Variants in PRKN observed in about 807,000 individuals in gnomAD.
PRKN encodes E3 ubiquitin-protein ligase parkin.
Under a neutral mutation model 59.5 loss-of-function variants are expected in PRKN, and 56 were observed. That is an observed-to-expected ratio of 0.94 (90% CI 0.76 to 1.18). The LOEUF is 1.18. PRKN is among the 50% of genes most tolerant of loss of function. PRKN has a pLI of 0.00. For missense variants in PRKN, 657 were observed against 596.4 expected, an observed-to-expected ratio of 1.10 and a Z score of -1.06; for synonymous variants, 250 against 222.1, an observed-to-expected ratio of 1.13 and a Z score of -1.12.
chr6:161,716,054 G>A, intron 7 of PRKN: 2 of 1,277,860 alleles, frequency 1.6e-6, no homozygotes, highest in Non-Finnish European at 2.1e-6. Flanking sequence ...CAGCCACCAT[G>A]CTGTGCTGGG....
intron 6 of PRKN, among the ~76,000 whole-genome samples, chr6:161,899,613 TGCCTGGCTCTTCTCTTCA>T (rs1198732355): frequency 4.6e-5 from 7 of 152,330 alleles, no homozygotes; most frequent in Admixed American, 3.9e-4. Context: ...TATTTCCCAC[TGCCTGGCTCTTCTCTTCA>T]GCTTATCGAT....
At chr6:161,374,548 TGTGTG>T (rs1562403547) in intron 10 of PRKN, among the ~76,000 whole-genome samples, 8 of 129,056 alleles carry the variant, frequency 6.2e-5, no homozygotes, top group African/African-American at 9.0e-5. Flanking sequence ...ATGTGTGTGG[TGTGTG>T]ATGTGTGTGT....
At position 161,874,396 on chromosome 6, in the gene PRKN, GTAAAATATTATATA is replaced by G. The variant is rs1562355041; in HGVS notation, c.735-88502_735-88489del. Among the ~76,000 whole-genome samples the G allele has an allele frequency of 9.7e-4, 75 of 77,168 alleles. 2 individuals are homozygous for G. The highest frequency in any genetic ancestry group is 2.3e-3 in the South Asian group (5 of 2,128). 50.6% of individuals were successfully genotyped at this position (77,168 alleles called of 152,430 possible). Reference sequence around the variant, plus strand: ...ATTATATATAAAATATATATTATATGTAAAATATTATATATAAAATATATATTATATGTAAAATA... The same window carrying G: ...ATTATATATAAAATATATATTATATGTAAAATATATATTATATGTAAAATA... On this transcript the variant is annotated intron_variant, in intron 6 of 11. Transcript: ENST00000366898.
chr6:161,653,876 C>T (rs1040261189), intron 7 of PRKN, among the ~76,000 whole-genome samples: 2 of 152,150 alleles, frequency 1.3e-5, no homozygotes, highest in Non-Finnish European at 2.9e-5. Context: ...GTAAACTGGC[C>T]GGCCAGCCTT....
chr6:162,093,960 A>G (rs1173632327), intron 4 of PRKN, among the ~76,000 whole-genome samples: 1 of 152,184 alleles, frequency 6.6e-6, no homozygotes, highest in African/African-American at 2.4e-5. Flanking sequence ...GTTATCTACT[A>G]TGCTCTGTGC....
chr6:161,682,695 CATTCGGA>C (rs1423417942), intron 7 of PRKN, among the ~76,000 whole-genome samples: 1 of 152,138 alleles, frequency 6.6e-6, no homozygotes, highest in Non-Finnish European at 1.5e-5. Context: ...CTCAGCCTTT[CATTCGGA>C]AACACTTGGC....
intron 6 of PRKN, among the ~76,000 whole-genome samples, chr6:161,813,879 C>T (rs1791660572): frequency 1.3e-5 from 2 of 152,230 alleles, no homozygotes; most frequent in African/African-American, 2.4e-5. Context: ...TTCCTCACTA[C>T]CACTGCCCAC....
chr6:161,360,225 AG>A lies in PRKN; in HGVS notation c.1168-21del. The A allele has an allele frequency of 1.3e-6, 2 of 1,567,450 alleles. No homozygotes were observed. The highest frequency in any genetic ancestry group is 2.7e-5 in the African/African-American group (2 of 74,240). Reference sequence around the variant, plus strand: ...GTAGGCCTGGGGAAACAAAGAGGAAAGGCGTTTAATCTCAGCTTTCTATTAC... The same window carrying A: ...GTAGGCCTGGGGAAACAAAGAGGAAAGCGTTTAATCTCAGCTTTCTATTAC... On this transcript the variant is annotated intron_variant, in intron 10 of 11. Coordinates refer to ENST00000366898, the MANE Select transcript of PRKN (RefSeq NM_004562.3). The surrounding 1 kb of genome is among the most constrained non-coding windows in gnomAD (Gnocchi z 5.1).
In PRKN at chr6:162,302,341, T is replaced by G. The variant is rs114941156; in HGVS notation, c.172-39576A>C. Among the ~76,000 whole-genome samples the G allele has an allele frequency of 6.9e-3, 1,044 of 151,932 alleles. 17 individuals carry two copies. Among genetic ancestry groups the G allele is most frequent in the African/African-American group, 0.024 (990 of 41,234 alleles). On this transcript the variant is annotated intron_variant, in intron 2 of 11. Coordinates refer to ENST00000366898, the MANE Select transcript of PRKN (RefSeq NM_004562.3). Reference sequence around the variant, plus strand: ...TATTGTTAGGTTATGTTATAAGACATAGGTAGCTTTAAGAAAGGATTAACC... The same window carrying G: ...TATTGTTAGGTTATGTTATAAGACAGAGGTAGCTTTAAGAAAGGATTAACC...
At chr6:161,803,073 T>A (rs550018731) in intron 6 of PRKN, among the ~76,000 whole-genome samples, 1 of 152,186 alleles carries the variant, frequency 6.6e-6, no homozygotes, top group Non-Finnish European at 1.5e-5. Flanking sequence ...CACTCTTCAA[T>A]TGGGACTTAT....
At chr6:162,281,264 CAG>C (rs763392064) in intron 2 of PRKN, among the ~76,000 whole-genome samples, 28 of 150,610 alleles carry the variant, frequency 1.9e-4, no homozygotes, top group Admixed American at 6.6e-5. Context: ...TGGGGCCTGT[CAG>C]GGGGTGGGGG....
intron 10 of PRKN, among the ~76,000 whole-genome samples, chr6:161,375,762 GA>G: frequency 6.6e-6 from 1 of 152,214 alleles, no homozygotes; most frequent in East Asian, 1.9e-4. Context: ...ACGCACTGCA[GA>G]GGGGCGGGTG....
intron 1 of PRKN, among the ~76,000 whole-genome samples, chr6:162,721,842 A>G (rs376472079): frequency 2.0e-5 from 3 of 152,214 alleles, no homozygotes; most frequent in East Asian, 1.9e-4. Flanking sequence ...AATTTCACAT[A>G]AAGTTGGTGC....
intron 3 of PRKN, among the ~76,000 whole-genome samples, chr6:162,208,073 T>C (rs1216910974): frequency 6.6e-6 from 1 of 152,210 alleles, no homozygotes; most frequent in African/African-American, 2.4e-5. Flanking sequence ...AAAATGTTTA[T>C]ATAGGACTTG....
rs114402837 is a variant in PRKN, at chr6:161,396,133, C to T, written c.1084-9256G>A. On this transcript the variant is annotated intron_variant, in intron 9 of 11. Coordinates refer to ENST00000366898, the MANE Select transcript of PRKN (RefSeq NM_004562.3). The surrounding 1 kb of genome is among the most constrained non-coding windows in gnomAD (Gnocchi z 5.4). ...TGTATGCTCTCGGTCCCTAATCCCC[C>T]GCCTCTTTTCTTACTTTCTCTTTAC... Among the ~76,000 whole-genome samples the T allele has an allele frequency of 0.012, 1,896 of 152,228 alleles. 38 individuals carry two copies. The highest frequency in any genetic ancestry group is 0.044 in the African/African-American group (1,807 of 41,508).
intron 7 of PRKN, among the ~76,000 whole-genome samples, chr6:161,723,913 G>A (rs545119501): frequency 1.4e-3 from 210 of 152,242 alleles, no homozygotes; most frequent in Non-Finnish European, 2.5e-3. Flanking sequence ...TAGGGGGCTC[G>A]GTCTTCAAGA....
chr6:162,670,875 A>G (rs1364374128), intron 1 of PRKN, among the ~76,000 whole-genome samples: 1 of 152,220 alleles, frequency 6.6e-6, no homozygotes, highest in Non-Finnish European at 1.5e-5. Flanking sequence ...GGCAATTTTT[A>G]TACTGTCTGA....
chr6:162,318,683 C>T (rs1475791829), intron 2 of PRKN, among the ~76,000 whole-genome samples: 2 of 151,848 alleles, frequency 1.3e-5, no homozygotes, highest in Admixed American at 6.6e-5. Flanking sequence ...CCAGCATTTC[C>T]CTAATAATTA....
At chr6:162,413,914 G>A (rs957376709) in intron 2 of PRKN, among the ~76,000 whole-genome samples, 1 of 152,194 alleles carries the variant, frequency 6.6e-6, no homozygotes, top group Non-Finnish European at 1.5e-5. Flanking sequence ...GGGCGCGGTG[G>A]CTCACGCCTG....
Sources: gnomAD v4.1 joint callset for allele counts (sites outside exome capture counted in the v4.1 genomes callset) on GRCh38, gnomAD v4.1.1 for gene constraint, Gnocchi (gnomAD v3.1) non-coding constraint, MANE v1.5 for transcripts, NCBI Gene and HGNC (gene_info 2026-07-23, HGNC 2026-07-21) for gene names.